The following GPR161 variants were observed in gnomAD, a reference collection of about 807,000 sequenced individuals.
GPR161 encodes the protein G protein-coupled receptor 161.
A neutral mutation model predicts 39.2 loss-of-function variants in GPR161; 25 were observed. The observed-to-expected ratio is 0.64, with a 90% CI of 0.47 to 0.89. GPR161 has a LOEUF of 0.89. GPR161 is among the 40% of genes least tolerant of loss of function. The pLI, the probability that GPR161 is intolerant of heterozygous loss-of-function variation, is 0.00. For missense variants in GPR161, 547 were observed against 677.8 expected (o/e 0.81, Z 2.14); for synonymous variants, 286 against 276.6 (o/e 1.03, Z -0.34).
chr1:168,081,310 G>C lies in GPR161; in HGVS notation c.*4221C>G, dbSNP rs1392054203. 4 of 152,140 alleles carry C rather than the reference G, an allele frequency of 2.6e-5. No homozygotes were observed. The allele number at this position is 152,140 out of a possible 1,614,324, so 9.4% of individuals were successfully genotyped here. A position where few individuals can be genotyped will look rare whatever the true frequency, so the allele number is the denominator to read the frequency against. ...TTTTCTGAAAGTCCTTCCTTGCTGT[G>C]CAACAAATATGACAAAATTCCCAAG... is the stretch of plus-strand genomic sequence containing the variant. On this transcript the variant is annotated 3_prime_UTR_variant, in exon 6 of 6. Transcript: ENST00000682931.
At chr1:168,117,958 G>A (rs186005120) in intron 1 of GPR161, among the ~76,000 whole-genome samples, 6 of 151,272 alleles carry the variant, frequency 4.0e-5, no homozygotes, top group Non-Finnish European at 7.4e-5. Flanking sequence ...TTGACCTATG[G>A]GGCTAATAAT....
intron 1 of GPR161, among the ~76,000 whole-genome samples, chr1:168,123,533 TACATACAC>T (rs769764196): frequency 0.015 from 1,505 of 97,640 alleles, 21 homozygotes; most frequent in African/African-American, 0.064. Context: ...GATATGCACA[TACATACAC>T]ACACACACAC....
intron 1 of GPR161, chr1:168,136,103 C>T: frequency 7.9e-7 from 1 of 1,261,788 alleles, no homozygotes; most frequent in Non-Finnish European, 1.0e-6. Context: ...CGAGTTCTCC[C>T]CTTTCCAAGA....
intron 1 of GPR161, among the ~76,000 whole-genome samples, chr1:168,130,416 C>A (rs1223718319): frequency 6.6e-6 from 1 of 152,202 alleles, no homozygotes; most frequent in Non-Finnish European, 1.5e-5. Flanking sequence ...CTTGCCAGAG[C>A]TGCTGGGGAT....
chr1:168,119,768 C>CTCATGATAGTGAGGGAGT (rs1446454154), intron 1 of GPR161, among the ~76,000 whole-genome samples: 3 of 152,148 alleles, frequency 2.0e-5, no homozygotes, highest in Non-Finnish European at 2.9e-5. Flanking sequence ...CCATGCTGTT[C>CTCATGATAGTGAGGGAGT]TCATGATAGT....
At chr1:168,090,516 C>T (rs766237334) in intron 4 of GPR161, 48 bp downstream of exon 4, 31 of 1,135,798 alleles carry the variant, frequency 2.7e-5, no homozygotes, top group Non-Finnish European at 4.1e-5. Flanking sequence ...GGAAACGCAA[C>T]ACAGGGAAAA....
At chr1:168,087,529 T>C in intron 5 of GPR161, 56 bp downstream of exon 5, 2 of 1,604,436 alleles carry the variant, frequency 1.2e-6, no homozygotes, top group Non-Finnish European at 1.7e-6. Context: ...GGAATTGTCC[T>C]AAGATCCTTT....
At chr1:168,091,893 A>G (rs1019016469) in intron 3 of GPR161, among the ~76,000 whole-genome samples, 1 of 152,208 alleles carries the variant, frequency 6.6e-6, no homozygotes, top group African/African-American at 2.4e-5. Context: ...AGATTTTGCA[A>G]TCTGCCATAA....
chr1:168,095,853 G>C (rs975950865), intron 3 of GPR161, among the ~76,000 whole-genome samples: 11 of 152,130 alleles, frequency 7.2e-5, no homozygotes, highest in African/African-American at 2.7e-4. Flanking sequence ...ATATACTCCA[G>C]GCCTGGCATG....
chr1:168,136,738 C>G lies in GPR161; in HGVS notation c.-45+1G>C. 1 of 1,006,582 alleles carries G rather than the reference C, an allele frequency of 9.9e-7. No individual in the cohort carries two copies. The allele number at this position is 1,006,582 out of a possible 1,614,324, so 62.4% of individuals were successfully genotyped here. On this transcript the variant is annotated splice_donor_variant, in intron 1 of 5. Transcript: ENST00000682931. LOFTEE classifies it low-confidence loss of function (5UTR_SPLICE). ...GCCCGCGCCCCACGCCGGGTGCTCA[C>G]CGAGGAGCGGCCGCCGCGGCAGCTC...
Position 168,104,654 on chromosome 1 carries a change from A to G in GPR161, c.197T>C (p.Val66Ala), listed in dbSNP as rs1442149909. 1 of 1,614,108 alleles carries G rather than the reference A, an allele frequency of 6.2e-7. No homozygotes were observed. Among genetic ancestry groups the G allele is most frequent in the African/African-American group, 1.3e-5 (1 of 75,044 alleles). Reference protein sequence around the residue: ...SYLLTLSNKFVFSLTLSNFLL... With the variant: ...SYLLTLSNKFAFSLTLSNFLL... The stretch of plus-strand genomic sequence containing the variant: ...GAAGTTGGACAGAGTCAGGCTGAAG[A>G]CGAACTTGTTGCTGAGGGTGAGGAG... Residue 66 changes from valine to alanine, a missense_variant, in exon 2 of 6, where the codon GTC becomes GCC. Transcript: ENST00000682931.
chr1:168,093,757 A>G (rs1053350667), intron 3 of GPR161, among the ~76,000 whole-genome samples: 2 of 152,244 alleles, frequency 1.3e-5, no homozygotes, highest in Admixed American at 1.3e-4. Flanking sequence ...TGGCTCAGAC[A>G]GAGGGACCAG....
intron 4 of GPR161, 149 bp downstream of exon 4, chr1:168,090,415 A>C: frequency 1.9e-6 from 1 of 532,740 alleles, no homozygotes; most frequent in Non-Finnish European, 3.4e-6. Context: ...CCACGACTGG[A>C]AACCCAGACT....
At chr1:168,128,104 T>C (rs1316407480) in intron 1 of GPR161, among the ~76,000 whole-genome samples, 1 of 152,216 alleles carries the variant, frequency 6.6e-6, no homozygotes, top group Non-Finnish European at 1.5e-5. Flanking sequence ...CACCTGTAAC[T>C]GTGGGGCTGA....
chr1:168,128,627 C>T (rs949591043), intron 1 of GPR161, among the ~76,000 whole-genome samples: 1 of 152,192 alleles, frequency 6.6e-6, no homozygotes, highest in African/African-American at 2.4e-5. Context: ...GAGATGGAAG[C>T]TGTGCTGAGA....
intron 1 of GPR161, among the ~76,000 whole-genome samples, chr1:168,122,744 A>G (rs1698281894): frequency 6.6e-6 from 1 of 152,098 alleles, no homozygotes; most frequent in Non-Finnish European, 1.5e-5. Context: ...TCACCTTTTC[A>G]GCAGAGCCTT....
intron 1 of GPR161, among the ~76,000 whole-genome samples, chr1:168,125,071 TTC>T (rs752141722): frequency 7.9e-5 from 12 of 152,384 alleles, no homozygotes; most frequent in Non-Finnish European, 1.6e-4. Flanking sequence ...GTATTGCATA[TTC>T]TCTGTCTCCT....
At chr1:168,110,301 C>T (rs1697004359) in intron 1 of GPR161, among the ~76,000 whole-genome samples, 2 of 151,754 alleles carry the variant, frequency 1.3e-5, no homozygotes, top group South Asian at 2.1e-4. Context: ...CACAGGAGTT[C>T]GAGACCACCC....
At chr1:168,121,709 T>C (rs1698179816) in intron 1 of GPR161, among the ~76,000 whole-genome samples, 2 of 152,220 alleles carry the variant, frequency 1.3e-5, no homozygotes, top group Admixed American at 6.5e-5. Flanking sequence ...CAAGTCCTCA[T>C]AGAAATCACT....
Sources: allele counts gnomAD v4.1 joint callset (sites outside exome capture counted in the v4.1 genomes callset), GRCh38; gene constraint gnomAD v4.1.1; transcripts MANE v1.5; gene names NCBI Gene and HGNC (gene_info 2026-07-23, HGNC 2026-07-21).